PICALM: variants seen among roughly 807,000 people sequenced by gnomAD.
PICALM encodes the protein phosphatidylinositol-binding clathrin assembly protein.
A neutral mutation model predicts 80.5 loss-of-function variants in PICALM; 40 were observed. The observed-to-expected ratio is 0.50, with a 90% CI of 0.39 to 0.65. The LOEUF (loss-of-function observed/expected upper bound fraction) is 0.65, where lower values mean the gene tolerates loss of function less well. Among genes scored for constraint, PICALM ranks in the 30% least tolerant of loss-of-function variants. The pLI is 0.00. For missense variants in PICALM, 676 were observed against 778.9 expected (o/e 0.87, Z 1.57); for synonymous variants, 288 against 260.3 (o/e 1.11, Z -1.02).
intron 7 of PICALM, among the ~76,000 whole-genome samples, chr11:86,009,819 A>C (rs2095360424): frequency 6.6e-6 from 1 of 152,230 alleles, no homozygotes; most frequent in African/African-American, 2.4e-5. Flanking sequence ...ATCACAGCAT[A>C]AACACCACCT....
At position 85,981,022 on chromosome 11, in the gene PICALM, T is replaced by G. The variant is rs1286413176; in HGVS notation, c.1779+107A>C. 17 of 644,944 alleles carry G rather than the reference T, an allele frequency of 2.6e-5. No individual in the cohort carries two copies. The East Asian group carries it at 3.0e-4, about 12-fold the overall frequency. The allele number at this position is 644,944 out of a possible 1,614,324, so 40.0% of individuals were successfully genotyped here. A position where few individuals can be genotyped will look rare whatever the true frequency, so the allele number is the denominator to read the frequency against. On this transcript the variant is annotated intron_variant, in intron 17 of 19. Coordinates refer to ENST00000393346, the MANE Select transcript of PICALM (RefSeq NM_007166.4). The stretch of plus-strand genomic sequence containing the variant: ...AATACAATTACTTATACTTCTAAAC[T>G]CAGTAACAATCCTTCTATTTATGTC...
intron 1 of PICALM, among the ~76,000 whole-genome samples, chr11:86,035,177 T>A (rs2095819216): frequency 2.0e-5 from 3 of 151,964 alleles, no homozygotes; most frequent in Admixed American, 2.0e-4. Flanking sequence ...AGTTACCAAA[T>A]GGTTTCATTA....
intron 12 of PICALM, among the ~76,000 whole-genome samples, chr11:85,992,554 T>C (rs2094817701): frequency 6.6e-6 from 1 of 152,230 alleles, no homozygotes; most frequent in Non-Finnish European, 1.5e-5. Context: ...CCCAAAGTGC[T>C]GGCATTACAG....
At position 85,957,181 on chromosome 11, in the gene PICALM, T is replaced by C. The variant is rs1335425121; in HGVS notation, c.*1865A>G. The stretch of plus-strand genomic sequence containing the variant: ...TAAAAGTACAACTTCCCAGTTTATA[T>C]GAAAATGGTTTAATAATACTGAAAC... On this transcript the variant is annotated 3_prime_UTR_variant, in exon 20 of 20. Transcript: ENST00000393346. Among the ~76,000 whole-genome samples the C allele has an allele frequency of 6.6e-6, 1 of 152,182 alleles. No homozygotes were observed. Among genetic ancestry groups the C allele is most frequent in the Non-Finnish European group, 1.5e-5 (1 of 68,034 alleles).
Position 85,957,561 on chromosome 11 carries a change from T to C in PICALM, c.*1485A>G, listed in dbSNP as rs142512087. On this transcript the variant is annotated 3_prime_UTR_variant, in exon 20 of 20. Transcript: ENST00000393346. ...AAATTCATATAAAACAAACCTTCCA[T>C]GTTATTAGATCAACAAATATAATCA... is the stretch of plus-strand genomic sequence containing the variant. 1 of 185,940 alleles carries C rather than the reference T, an allele frequency of 5.4e-6. No homozygotes were observed. Among genetic ancestry groups the C allele is most frequent in the East Asian group, 8.7e-5 (1 of 11,472 alleles). The allele number at this position is 185,940 out of a possible 1,614,324, so 11.5% of individuals were successfully genotyped here.
At chr11:86,060,752 A>T (rs1451743215) in intron 1 of PICALM, among the ~76,000 whole-genome samples, 3 of 149,756 alleles carry the variant, frequency 2.0e-5, no homozygotes, top group South Asian at 4.2e-4. Flanking sequence ...AAAAAAAATG[A>T]ATCAGGAGAC....
chr11:85,993,832 C>T (rs1450632587), intron 12 of PICALM, among the ~76,000 whole-genome samples: 1 of 152,066 alleles, frequency 6.6e-6, no homozygotes, highest in Non-Finnish European at 1.5e-5. Context: ...GTCATATTAT[C>T]GCCTTTAAGT....
chr11:85,978,625 T>A (rs1185324865), intron 17 of PICALM: 1 of 152,076 alleles, frequency 6.6e-6, no homozygotes, highest in South Asian at 2.1e-4. Flanking sequence ...GCCCCAAACA[T>A]TAGCCATTAA....
chr11:86,038,253 G>C (rs951609098), intron 1 of PICALM, among the ~76,000 whole-genome samples: 2 of 152,096 alleles, frequency 1.3e-5, no homozygotes, highest in African/African-American at 4.8e-5. Flanking sequence ...CCAGGAGGCG[G>C]AGGTAAAAGG....
intron 13 of PICALM, among the ~76,000 whole-genome samples, chr11:85,986,095 T>G (rs769211987): frequency 2.2e-4 from 33 of 151,900 alleles, no homozygotes; most frequent in Non-Finnish European, 2.8e-4. Context: ...ATCTCAAGTT[T>G]TAAAAACATC....
chr11:85,975,456 A>G (rs1176073424), intron 18 of PICALM, among the ~76,000 whole-genome samples: 1 of 152,172 alleles, frequency 6.6e-6, no homozygotes, highest in African/African-American at 2.4e-5. Flanking sequence ...AATAATGCAC[A>G]AACAGAATAC....
At chr11:86,020,599 TCTTCA>T (rs573711626) in intron 4 of PICALM, among the ~76,000 whole-genome samples, 59 of 152,188 alleles carry the variant, frequency 3.9e-4, no homozygotes, top group Non-Finnish European at 7.6e-4. Flanking sequence ...GGTCAACTCA[TCTTCA>T]ACAAGGTACT....
In PICALM at chr11:85,965,162, G is replaced by A. The variant is rs188559924; in HGVS notation, c.1945-6102C>T. On this transcript the variant is annotated intron_variant, in intron 19 of 19. Coordinates refer to ENST00000393346, the MANE Select transcript of PICALM (RefSeq NM_007166.4). ...ATTTAGGTTCTCATCAAGGGAGTGG[G>A]TTCGCCCCCTTTTGTTCTCTCTCTG... Among the ~76,000 whole-genome samples, 43 of 152,182 alleles carry A rather than the reference G, an allele frequency of 2.8e-4. No homozygotes were observed. The East Asian group carries it at 8.3e-3, about 29-fold the overall frequency.
At chr11:85,990,928 G>T (rs553368587) in intron 12 of PICALM, among the ~76,000 whole-genome samples, 1 of 152,240 alleles carries the variant, frequency 6.6e-6, no homozygotes, top group East Asian at 1.9e-4. Flanking sequence ...AAGGATGGGG[G>T]AAAGAATTTT....
At position 85,961,033 on chromosome 11, in the gene PICALM, C is replaced by T. The variant is rs527813910; in HGVS notation, c.1945-1973G>A. ...GTTTCAAAGGAATAATGTCTTTTAC[C>T]CAAAAGGTCGATATAAGCTGACCCA... is the stretch of plus-strand genomic sequence containing the variant. On this transcript the variant is annotated intron_variant, in intron 19 of 19. Transcript: ENST00000393346. 2.3e-5 allele frequency among the ~76,000 whole-genome samples: 3 copies of T among 133,056 alleles called. No homozygotes were observed. The South Asian group carries it at 6.8e-4, about 30-fold the overall frequency. The allele number at this position is 133,056 out of a possible 152,430, so 87.3% of individuals were successfully genotyped here.
intron 19 of PICALM, chr11:85,960,856 AAGAAG>A: frequency 1.8e-6 from 1 of 556,542 alleles, no homozygotes; most frequent in South Asian, 2.1e-5. Context: ...AAATGTATGA[AAGAAG>A]AAGTGGTTTT....
intron 8 of PICALM, among the ~76,000 whole-genome samples, chr11:86,005,750 T>C (rs2095262650): frequency 6.7e-6 from 1 of 150,134 alleles, no homozygotes; most frequent in African/African-American, 2.5e-5. Flanking sequence ...GAAAATGTGA[T>C]GCTTTACACC....
chr11:86,046,756 C>T (rs1466979030), intron 1 of PICALM, among the ~76,000 whole-genome samples: 1 of 152,160 alleles, frequency 6.6e-6, no homozygotes, highest in African/African-American at 2.4e-5. Flanking sequence ...CTCTGTCACC[C>T]AGACTGGAGT....
At chr11:86,036,968 G>C (rs2095852227) in intron 1 of PICALM, among the ~76,000 whole-genome samples, 2 of 72,582 alleles carry the variant, frequency 2.8e-5, no homozygotes, top group Non-Finnish European at 5.6e-5. Flanking sequence ...TTTTTTTTGA[G>C]ATGGAGTCTT....
Sources: gnomAD v4.1 joint callset for allele counts (sites outside exome capture counted in the v4.1 genomes callset) on GRCh38, gnomAD v4.1.1 for gene constraint, MANE v1.5 for transcripts, NCBI Gene and HGNC (gene_info 2026-07-23, HGNC 2026-07-21) for gene names.